The following GALNTL6 variants were observed in gnomAD, a reference collection of about 807,000 sequenced individuals.
GALNTL6 encodes polypeptide N-acetylgalactosaminyltransferase-like 6.
Under a neutral mutation model 73.7 loss-of-function variants are expected in GALNTL6, and 46 were observed. The ratio of observed to expected loss-of-function variants is 0.62; its 90% CI spans 0.49 to 0.80. The LOEUF is 0.80. Ranked by LOEUF, GALNTL6 falls within the 30% of genes least tolerant of loss-of-function variation. The probability of loss-of-function intolerance (pLI) is 0.00; values close to 1 mark genes in which losing one functional copy is unlikely to be tolerated. For missense variants in GALNTL6, 604 were observed against 755.0 expected (o/e 0.80, Z 2.34); for synonymous variants, 259 against 263.7 (o/e 0.98, Z 0.17).
chr4:172,517,214 G>A (rs1306505021), intron 5 of GALNTL6, among the ~76,000 whole-genome samples: 1 of 151,558 alleles, frequency 6.6e-6, no homozygotes, highest in African/African-American at 2.4e-5. Flanking sequence ...TTGAAATTAT[G>A]TAAAGAAAAT....
chr4:171,838,034 C>A (rs775028551), intron 2 of GALNTL6, among the ~76,000 whole-genome samples: 1 of 151,890 alleles, frequency 6.6e-6, no homozygotes, highest in African/African-American at 2.4e-5. Flanking sequence ...CATGTAGTTT[C>A]TCCCTTCACT....
At chr4:172,173,158 C>T (rs1734886765) in intron 2 of GALNTL6, among the ~76,000 whole-genome samples, 1 of 152,170 alleles carries the variant, frequency 6.6e-6, no homozygotes, top group Non-Finnish European at 1.5e-5. Context: ...AAGAGATTTC[C>T]AAAACTGAAA....
At chr4:172,573,792 C>G (rs150626626) in intron 5 of GALNTL6, among the ~76,000 whole-genome samples, 1 of 152,122 alleles carries the variant, frequency 6.6e-6, no homozygotes. Context: ...ATCTTTTATT[C>G]AGATGTTTTA....
chr4:171,913,636 A>C (rs968623356), intron 2 of GALNTL6, among the ~76,000 whole-genome samples: 1 of 152,218 alleles, frequency 6.6e-6, no homozygotes, highest in African/African-American at 2.4e-5. Context: ...ATTACAGAAA[A>C]AGGATAGGAG....
At position 172,175,058 on chromosome 4, in the gene GALNTL6, T is replaced by C. The variant is rs1007614830; in HGVS notation, c.139-54598T>C. 4.0e-5 allele frequency among the ~76,000 whole-genome samples: 6 copies of C among 151,066 alleles called. No homozygotes were observed. The East Asian group carries it at 9.7e-4, about 24-fold the overall frequency. On this transcript the variant is annotated intron_variant, in intron 2 of 12. Coordinates refer to ENST00000506823, the MANE Select transcript of GALNTL6 (RefSeq NM_001034845.3). Reference sequence around the variant, plus strand: ...AAACTGGCATTGATGTGCAAAGTAATAGAGAAAGAGACAAACAAGAATTTT... The same window carrying C: ...AAACTGGCATTGATGTGCAAAGTAACAGAGAAAGAGACAAACAAGAATTTT...
chr4:172,099,474 C>CT (rs1264211725), intron 2 of GALNTL6, among the ~76,000 whole-genome samples: 1 of 152,052 alleles, frequency 6.6e-6, no homozygotes, highest in Non-Finnish European at 1.5e-5. Flanking sequence ...TCAATGTAGC[C>CT]TTTTTTACAT....
At chr4:172,499,985 G>C (rs1205143023) in intron 5 of GALNTL6, among the ~76,000 whole-genome samples, 1 of 151,998 alleles carries the variant, frequency 6.6e-6, no homozygotes, top group African/African-American at 2.4e-5. Flanking sequence ...AGGACAGAGG[G>C]AATACAACCA....
chr4:172,547,747 T>G (rs1400631342), intron 5 of GALNTL6, among the ~76,000 whole-genome samples: 1 of 152,224 alleles, frequency 6.6e-6, no homozygotes, highest in Non-Finnish European at 1.5e-5. Context: ...TGTAGATTTT[T>G]CTCTCCTTCA....
At chr4:172,108,054 T>C (rs1732737468) in intron 2 of GALNTL6, among the ~76,000 whole-genome samples, 1 of 152,208 alleles carries the variant, frequency 6.6e-6, no homozygotes, top group African/African-American at 2.4e-5. Flanking sequence ...TTCCTACTTA[T>C]TCATGCTCTT....
intron 2 of GALNTL6, among the ~76,000 whole-genome samples, chr4:171,942,836 T>C (rs2111016622): frequency 6.6e-6 from 1 of 152,330 alleles, no homozygotes; most frequent in Non-Finnish European, 1.5e-5. Context: ...AAAGGGTGCC[T>C]TGCACATTTG....
At chr4:171,966,287 T>C (rs956795406) in intron 2 of GALNTL6, among the ~76,000 whole-genome samples, 7 of 152,188 alleles carry the variant, frequency 4.6e-5, no homozygotes, top group African/African-American at 1.7e-4. Context: ...GGAAAGTGTT[T>C]GTTGGAGTTT....
chr4:172,698,750 C>T (rs1733842539), intron 5 of GALNTL6, among the ~76,000 whole-genome samples: 1 of 152,146 alleles, frequency 6.6e-6, no homozygotes, highest in South Asian at 2.1e-4. Context: ...TATCCTCCTG[C>T]TCCTCCCCAC....
At chr4:172,871,587 C>T (rs1375135751) in intron 7 of GALNTL6, among the ~76,000 whole-genome samples, 1 of 116,490 alleles carries the variant, frequency 8.6e-6, no homozygotes, top group East Asian at 3.7e-4. Flanking sequence ...GTCTCTGACT[C>T]TGGGGGGGGT....
intron 5 of GALNTL6, among the ~76,000 whole-genome samples, chr4:172,612,561 T>TG (rs1738565709): frequency 6.6e-6 from 1 of 152,014 alleles, no homozygotes; most frequent in African/African-American, 2.4e-5. Context: ...CATCCTTCCC[T>TG]GGAAAGGAAC....
intron 2 of GALNTL6, among the ~76,000 whole-genome samples, chr4:172,079,689 G>T (rs1485905494): frequency 6.6e-6 from 1 of 151,912 alleles, no homozygotes; most frequent in African/African-American, 2.4e-5. Flanking sequence ...TTGAATAATG[G>T]CTTTTCTACT....
At chr4:172,660,415 A>AG (rs1290705642) in intron 5 of GALNTL6, among the ~76,000 whole-genome samples, 6 of 152,224 alleles carry the variant, frequency 3.9e-5, no homozygotes, top group Non-Finnish European at 8.8e-5. Context: ...CACGATCATT[A>AG]GCATTTCCCT....
chr4:171,983,842 G>A (rs943741631), intron 2 of GALNTL6, among the ~76,000 whole-genome samples: 3 of 152,128 alleles, frequency 2.0e-5, no homozygotes, highest in East Asian at 1.9e-4. Flanking sequence ...CCTCCTTGGG[G>A]AAAGTAAAGG....
At position 172,016,445 on chromosome 4, in the gene GALNTL6, T is replaced by C. The variant is rs548744455; in HGVS notation, c.138+201727T>C. Among the ~76,000 whole-genome samples, 7 of 152,180 alleles carry C rather than the reference T, an allele frequency of 4.6e-5. No homozygotes were observed. In the Middle Eastern group the frequency reaches 0.017, roughly 370 times the overall value. ...TGTCTTTTTCTTTATACTATCTATT[T>C]ATCTGAAAAATTTTTCATCCATATT... On this transcript the variant is annotated intron_variant, in intron 2 of 12. Coordinates refer to ENST00000506823, the MANE Select transcript of GALNTL6 (RefSeq NM_001034845.3).
intron 5 of GALNTL6, among the ~76,000 whole-genome samples, chr4:172,603,887 A>C (rs927946793): frequency 6.6e-6 from 1 of 152,222 alleles, no homozygotes; most frequent in Admixed American, 6.5e-5. Flanking sequence ...GTTAAGAGGC[A>C]GTCTTCAGAT....
Sources: allele counts gnomAD v4.1 joint callset (sites outside exome capture counted in the v4.1 genomes callset), GRCh38; gene constraint gnomAD v4.1.1; transcripts MANE v1.5; gene names NCBI Gene and HGNC (gene_info 2026-07-23, HGNC 2026-07-21).